Variants in PLCB1 observed in about 807,000 individuals in gnomAD.
PLCB1 encodes the protein 1-phosphatidylinositol 4,5-bisphosphate phosphodiesterase beta-1.
PLCB1 carries 46 observed loss-of-function variants against 161.8 expected under a neutral mutation model. The ratio of observed to expected loss-of-function variants is 0.28; its 90% CI spans 0.22 to 0.36. The LOEUF is 0.36. Ranked by LOEUF, PLCB1 falls within the 10% of genes least tolerant of loss-of-function variation. PLCB1 has a pLI of 1.00. For synonymous variants in PLCB1, 517 were observed against 503.7 expected, an observed-to-expected ratio of 1.03 and a Z score of -0.35; for missense variants, 1,016 against 1,472.5, an observed-to-expected ratio of 0.69 and a Z score of 5.07.
intron 3 of PLCB1, among the ~76,000 whole-genome samples, chr20:8,521,883 A>G (rs1159065222): frequency 2.6e-5 from 4 of 152,244 alleles, no homozygotes; most frequent in Admixed American, 6.5e-5. Flanking sequence ...TTTCAACCAC[A>G]CAGAAACCAA....
At chr20:8,351,112 A>G (rs1986163518) in intron 2 of PLCB1, among the ~76,000 whole-genome samples, 1 of 152,186 alleles carries the variant, frequency 6.6e-6, no homozygotes, top group Admixed American at 6.5e-5. Flanking sequence ...TAAAGCTACA[A>G]TAATCAAGAA....
chr20:8,344,871 T>A (rs1985943437), intron 2 of PLCB1, among the ~76,000 whole-genome samples: 1 of 152,182 alleles, frequency 6.6e-6, no homozygotes, highest in South Asian at 2.1e-4. Context: ...TTCAGGACAG[T>A]TAAAAGAAGA....
chr20:8,278,008 T>C (rs1044878592), intron 2 of PLCB1, among the ~76,000 whole-genome samples: 1 of 152,014 alleles, frequency 6.6e-6, no homozygotes, highest in African/African-American at 2.4e-5. Context: ...CAGATATGCT[T>C]GCAAAATGAA....
chr20:8,559,459 T>G (rs949317289), intron 3 of PLCB1, among the ~76,000 whole-genome samples: 2 of 151,956 alleles, frequency 1.3e-5, no homozygotes, highest in Admixed American at 6.6e-5. Flanking sequence ...AAGTAAATCC[T>G]TTCTCACCCA....
At chr20:8,600,214 TC>T (rs1418006206) in intron 3 of PLCB1, among the ~76,000 whole-genome samples, 4 of 132,342 alleles carry the variant, frequency 3.0e-5, no homozygotes, top group African/African-American at 6.0e-5. Flanking sequence ...TTCTGTTTTT[TC>T]CCCATCTTTG....
chr20:8,862,169 A>C (rs1216501273), intron 31 of PLCB1, among the ~76,000 whole-genome samples: 2 of 152,342 alleles, frequency 1.3e-5, no homozygotes, highest in East Asian at 3.9e-4. Context: ...TTGATGGGAT[A>C]AACTGCTTTT....
intron 3 of PLCB1, among the ~76,000 whole-genome samples, chr20:8,443,724 G>C (rs1980673318): frequency 6.6e-6 from 1 of 152,158 alleles, no homozygotes; most frequent in Admixed American, 6.5e-5. Context: ...ATTCCCTTCT[G>C]CTTCTGCATC....
intron 3 of PLCB1, among the ~76,000 whole-genome samples, chr20:8,400,438 A>G (rs540113440): frequency 1.3e-5 from 2 of 152,274 alleles, no homozygotes; most frequent in African/African-American, 4.8e-5. Context: ...GGTCTGATGT[A>G]ATGTTTTTAA....
chr20:8,314,628 CA>C (rs1258910704), intron 2 of PLCB1, among the ~76,000 whole-genome samples: 1 of 152,168 alleles, frequency 6.6e-6, no homozygotes, highest in Non-Finnish European at 1.5e-5. Flanking sequence ...TTAATATACT[CA>C]AAACGCTTAG....
intron 3 of PLCB1, among the ~76,000 whole-genome samples, chr20:8,591,771 A>G (rs1192323554): frequency 6.6e-6 from 1 of 152,214 alleles, no homozygotes; most frequent in Non-Finnish European, 1.5e-5. Flanking sequence ...GACAGATATC[A>G]GTATTATACA....
chr20:8,862,988 C>A (rs1328115400), intron 31 of PLCB1, among the ~76,000 whole-genome samples: 1 of 152,050 alleles, frequency 6.6e-6, no homozygotes, highest in East Asian at 1.9e-4. Flanking sequence ...GTGATCAAGC[C>A]CAGCATGGAA....
intron 27 of PLCB1, among the ~76,000 whole-genome samples, chr20:8,779,002 C>T (rs1345601648): frequency 6.6e-6 from 1 of 152,070 alleles, no homozygotes; most frequent in Non-Finnish European, 1.5e-5. Flanking sequence ...GAACAGGCCT[C>T]CCAGGCTAAA....
chr20:8,593,699 C>T (rs919470960), intron 3 of PLCB1, among the ~76,000 whole-genome samples: 3 of 151,332 alleles, frequency 2.0e-5, no homozygotes, highest in African/African-American at 7.3e-5. Flanking sequence ...TTATAAGTAA[C>T]AGTGATAGTA....
At position 8,187,526 on chromosome 20, in the gene PLCB1, A is replaced by G. The variant is rs551696327; in HGVS notation, c.177+37155A>G. Among the ~76,000 whole-genome samples the G allele has an allele frequency of 2.5e-4, 38 of 152,274 alleles. 2 individuals are homozygous for G. The Middle Eastern group carries it at 0.014, about 55-fold the overall frequency. On this transcript the variant is annotated intron_variant, in intron 2 of 31. Coordinates refer to ENST00000338037, the MANE Select transcript of PLCB1 (RefSeq NM_015192.4). ...ATACTTTAAGATGGAGTTTGCCACTATAGGTCCATCGTCTATTTTTTAACA... is the reference window on the plus strand; with the variant it reads ...ATACTTTAAGATGGAGTTTGCCACTGTAGGTCCATCGTCTATTTTTTAACA...
chr20:8,421,077 T>C (rs1043547115), intron 3 of PLCB1, among the ~76,000 whole-genome samples: 25 of 152,298 alleles, frequency 1.6e-4, no homozygotes, highest in African/African-American at 5.8e-4. Flanking sequence ...GCCTCAGATT[T>C]CCTAGTTGGG....
chr20:8,767,269 T>A (rs1359516717), intron 26 of PLCB1, among the ~76,000 whole-genome samples: 1 of 152,144 alleles, frequency 6.6e-6, no homozygotes, highest in Non-Finnish European at 1.5e-5. Flanking sequence ...CTTCTGAGCT[T>A]CTAACGAGCT....
At chr20:8,568,293 A>C (rs944150410) in intron 3 of PLCB1, among the ~76,000 whole-genome samples, 3 of 152,178 alleles carry the variant, frequency 2.0e-5, no homozygotes, top group Non-Finnish European at 4.4e-5. Flanking sequence ...GTTCTATTTG[A>C]ACAGAGGTCA....
chr20:8,847,447 G>A (rs751502058), intron 31 of PLCB1, among the ~76,000 whole-genome samples: 1 of 152,204 alleles, frequency 6.6e-6, no homozygotes, highest in East Asian at 1.9e-4. Context: ...TCTGCCATTA[G>A]AGGAAGAGGA....
intron 7 of PLCB1, among the ~76,000 whole-genome samples, chr20:8,654,325 A>G (rs529762445): frequency 1.3e-5 from 2 of 152,100 alleles, no homozygotes; most frequent in Non-Finnish European, 2.9e-5. Flanking sequence ...AAAAGGCCAA[A>G]CAACAACAAG....
Sources: gnomAD v4.1 joint callset for allele counts (sites outside exome capture counted in the v4.1 genomes callset) on GRCh38, gnomAD v4.1.1 for gene constraint, MANE v1.5 for transcripts, NCBI Gene and HGNC (gene_info 2026-07-23, HGNC 2026-07-21) for gene names.